ZNF704: variants seen among roughly 807,000 people sequenced by gnomAD.
The protein encoded by ZNF704 is zinc finger protein 704, also known as glucocorticoid induced gene 1.
In ZNF704, 10 loss-of-function variants were observed where a neutral mutation model predicts 44.7. The ratio of observed to expected loss-of-function variants is 0.22; its 90% CI spans 0.14 to 0.38. The LOEUF is 0.38. Ranked by LOEUF, ZNF704 falls within the 10% of genes least tolerant of loss-of-function variation. ZNF704 has a pLI of 1.00. For missense variants in ZNF704, 390 were observed against 545.5 expected (o/e 0.71, Z 2.84); for synonymous variants, 211 against 207.6 (o/e 1.02, Z -0.14).
intron 2 of ZNF704, among the ~76,000 whole-genome samples, chr8:80,733,945 C>T (rs1430194172): frequency 1.3e-5 from 2 of 152,182 alleles, no homozygotes; most frequent in Non-Finnish European, 2.9e-5. Flanking sequence ...GAATTATAGT[C>T]ACCTCAGAAA....
upstream of ZNF704, among the ~76,000 whole-genome samples, chr8:80,875,486 T>C (rs958700038): frequency 6.6e-6 from 1 of 152,114 alleles, no homozygotes; most frequent in Non-Finnish European, 1.5e-5. Flanking sequence ...GTATTTTTCG[T>C]AGAGACAGGG....
intron 1 of ZNF704, among the ~76,000 whole-genome samples, chr8:80,843,928 A>AAT (rs71914127): frequency 4.7e-5 from 7 of 149,874 alleles, no homozygotes; most frequent in African/African-American, 7.3e-5. Flanking sequence ...AGAACAGTGA[A>AAT]ATATATATAT....
At chr8:80,854,221 T>TA (rs1245613626) in intron 1 of ZNF704, among the ~76,000 whole-genome samples, 20 of 152,136 alleles carry the variant, frequency 1.3e-4, no homozygotes, top group African/African-American at 4.1e-4. Flanking sequence ...TGTCCAAGGA[T>TA]AAAAAAGGAC....
intron 1 of ZNF704, among the ~76,000 whole-genome samples, chr8:80,825,085 T>A (rs1047668597): frequency 1.7e-4 from 26 of 152,052 alleles, no homozygotes; most frequent in Non-Finnish European, 3.2e-4. Context: ...TATTAACCTT[T>A]AATGTAAATG....
chr8:80,841,956 T>G (rs757858912), intron 1 of ZNF704, among the ~76,000 whole-genome samples: 1 of 152,060 alleles, frequency 6.6e-6, no homozygotes, highest in East Asian at 1.9e-4. Flanking sequence ...CCTTGTTTAG[T>G]TTTTTAATTT....
intron 1 of ZNF704, among the ~76,000 whole-genome samples, chr8:80,859,595 TTA>T (rs1357531536): frequency 2.0e-5 from 3 of 152,224 alleles, no homozygotes; most frequent in African/African-American, 7.2e-5. Flanking sequence ...TGTGAATTCT[TTA>T]TGTTTCTTAA....
intron 2 of ZNF704, among the ~76,000 whole-genome samples, chr8:80,762,450 C>T (rs1807148486): frequency 6.6e-6 from 1 of 152,076 alleles, no homozygotes; most frequent in Non-Finnish European, 1.5e-5. Flanking sequence ...GAAGTGCAAG[C>T]AGAGGAAATG....
chr8:80,835,104 T>C (rs1808537031), intron 1 of ZNF704, among the ~76,000 whole-genome samples: 1 of 152,184 alleles, frequency 6.6e-6, no homozygotes, highest in Admixed American at 6.5e-5. Flanking sequence ...GAAAAGTTGG[T>C]AGTGGAAGAC....
intron 2 of ZNF704, among the ~76,000 whole-genome samples, chr8:80,806,518 A>G (rs1404950303): frequency 1.3e-5 from 2 of 152,184 alleles, no homozygotes; most frequent in African/African-American, 4.8e-5. Context: ...TCATGTAATT[A>G]TATTACTCAG....
chr8:80,858,087 T>G (rs538520934), intron 1 of ZNF704, among the ~76,000 whole-genome samples: 1 of 152,322 alleles, frequency 6.6e-6, no homozygotes, highest in South Asian at 2.1e-4. Context: ...ATTTTCCTTT[T>G]AAAATCTATA....
At chr8:80,846,988 C>T (rs1017738208) in intron 1 of ZNF704, among the ~76,000 whole-genome samples, 2 of 152,040 alleles carry the variant, frequency 1.3e-5, no homozygotes, top group African/African-American at 2.4e-5. Context: ...GCCTGGCCAA[C>T]GTGGCGAAAC....
At chr8:80,745,007 A>G (rs889612510) in intron 2 of ZNF704, among the ~76,000 whole-genome samples, 14 of 152,232 alleles carry the variant, frequency 9.2e-5, no homozygotes, top group African/African-American at 3.4e-4. Flanking sequence ...GTGGTCAATA[A>G]TTAAGAAAAA....
chr8:80,871,209 T>C (rs1809247029), intron 1 of ZNF704, among the ~76,000 whole-genome samples: 1 of 152,242 alleles, frequency 6.6e-6, no homozygotes, highest in African/African-American at 2.4e-5. Context: ...AAACTACAAA[T>C]TACCTTGTAA....
In ZNF704 at chr8:80,664,851, G is replaced by A; in HGVS notation, c.891C>T (p.Thr297=). Residue 297 remains threonine, a synonymous_variant, in exon 6 of 9, where the codon ACC becomes ACT. Transcript: ENST00000327835. ...GGTCAGTGTGCACGAGGTAGAGGGT[G>A]GTGGGAGCTGAGCGGCTCAACGGCG... ...LMTPLSRSAP[T]TLYLVHTDHA... 1 of 1,614,210 alleles carries A rather than the reference G, an allele frequency of 6.2e-7. No individual in the cohort carries two copies. Among genetic ancestry groups the A allele is most frequent in the Non-Finnish European group, 8.5e-7 (1 of 1,180,036 alleles).
chr8:80,791,051 T>C (rs1807698059), intron 2 of ZNF704, among the ~76,000 whole-genome samples: 3 of 152,234 alleles, frequency 2.0e-5, no homozygotes, highest in East Asian at 1.9e-4. Context: ...GGGAGCACTA[T>C]AGCAAATCCT....
chr8:80,644,526 A>G (rs1205113940), intron 7 of ZNF704, among the ~76,000 whole-genome samples: 1 of 152,242 alleles, frequency 6.6e-6, no homozygotes, highest in African/African-American at 2.4e-5. Context: ...AATAAAATGG[A>G]AAGTTTCCAG....
upstream of ZNF704, among the ~76,000 whole-genome samples, chr8:80,878,172 A>G (rs1472217457): frequency 6.6e-6 from 1 of 152,078 alleles, no homozygotes; most frequent in Non-Finnish European, 1.5e-5. Flanking sequence ...TCAGATCTCC[A>G]GTGATTCTTA....
intron 1 of ZNF704, among the ~76,000 whole-genome samples, chr8:80,837,850 C>T (rs935515241): frequency 2.0e-5 from 3 of 152,144 alleles, no homozygotes; most frequent in African/African-American, 7.2e-5. Context: ...CACAGGGCCC[C>T]CTGACTGCCA....
intron 2 of ZNF704, among the ~76,000 whole-genome samples, chr8:80,735,650 A>T: frequency 6.6e-6 from 1 of 152,216 alleles, no homozygotes; most frequent in East Asian, 1.9e-4. Context: ...GACAAAACAG[A>T]AAGGTCAAAA....
Sources: gnomAD v4.1 joint callset for allele counts (sites outside exome capture counted in the v4.1 genomes callset) on GRCh38, gnomAD v4.1.1 for gene constraint, MANE v1.5 for transcripts, NCBI Gene and HGNC (gene_info 2026-07-23, HGNC 2026-07-21) for gene names.